KLHL32: variants seen among roughly 807,000 people sequenced by gnomAD.
KLHL32 encodes kelch like family member 32, also known as kelch-like protein 32.
In KLHL32, 35 loss-of-function variants were observed where a neutral mutation model predicts 64.8. That is an observed-to-expected ratio of 0.54 (90% CI 0.41 to 0.72). The LOEUF is 0.72. Ranked by LOEUF, KLHL32 falls within the 30% of genes least tolerant of loss-of-function variation. The pLI, the probability that KLHL32 is intolerant of heterozygous loss-of-function variation, is 0.00. For synonymous variants in KLHL32, 259 were observed against 281.0 expected, an observed-to-expected ratio of 0.92 and a Z score of 0.78; for missense variants, 589 against 768.5, an observed-to-expected ratio of 0.77 and a Z score of 2.76.
At chr6:96,973,755 C>G (rs1775388160) in intron 2 of KLHL32, among the ~76,000 whole-genome samples, 1 of 49,650 alleles carries the variant, frequency 2.0e-5, no homozygotes. Context: ...CAGAGTCTCG[C>G]TCTGTTGCCC....
At position 97,140,531 on chromosome 6, in the gene KLHL32, TAATA is replaced by T. The variant is rs1287225403; in HGVS notation, c.*1251_*1254del. 4 of 152,078 alleles carry T rather than the reference TAATA, an allele frequency of 2.6e-5. No individual in the cohort carries two copies. In the East Asian group the frequency reaches 7.7e-4, roughly 29 times the overall value. The allele number at this position is 152,078 out of a possible 1,614,324, so 9.4% of individuals were successfully genotyped here. The stretch of plus-strand genomic sequence containing the variant: ...ATAACAAAAAATAAATACAACAACT[TAATA>T]ATCACATTTGAAAACAAATTTAACA... On this transcript the variant is annotated 3_prime_UTR_variant, in exon 11 of 11. Coordinates refer to ENST00000369261, the MANE Select transcript of KLHL32 (RefSeq NM_052904.4).
At chr6:97,088,980 C>T (rs1437480623) in intron 6 of KLHL32, among the ~76,000 whole-genome samples, 2 of 152,150 alleles carry the variant, frequency 1.3e-5, no homozygotes, top group Non-Finnish European at 2.9e-5. Flanking sequence ...GTAGAAAAAG[C>T]CTATATAGAA....
At chr6:96,921,425 G>C (rs934148653), upstream of KLHL32, among the ~76,000 whole-genome samples, 4 of 152,230 alleles carry the variant, frequency 2.6e-5, no homozygotes, top group Middle Eastern at 3.2e-3. Flanking sequence ...GCTACAAAAT[G>C]TACCCATAGG....
chr6:97,085,880 G>A (rs944303262), intron 6 of KLHL32, among the ~76,000 whole-genome samples: 2 of 152,132 alleles, frequency 1.3e-5, no homozygotes, highest in Non-Finnish European at 2.9e-5. Context: ...CCTAAGCCCT[G>A]CCTTTTCGCC....
At chr6:97,023,761 T>A (rs1284264474) in intron 3 of KLHL32, among the ~76,000 whole-genome samples, 1 of 152,182 alleles carries the variant, frequency 6.6e-6, no homozygotes, top group Non-Finnish European at 1.5e-5. Flanking sequence ...ACTAGAGAAC[T>A]AGGGGCCAGG....
upstream of KLHL32, among the ~76,000 whole-genome samples, chr6:96,919,654 T>C (rs952708629): frequency 6.6e-6 from 1 of 152,206 alleles, no homozygotes; most frequent in Admixed American, 6.5e-5. Flanking sequence ...ATAGCCACTT[T>C]TATAAATTGA....
At chr6:96,954,485 A>AT (rs1773032268) in intron 1 of KLHL32, among the ~76,000 whole-genome samples, 1 of 151,986 alleles carries the variant, frequency 6.6e-6, no homozygotes, top group East Asian at 1.9e-4. Flanking sequence ...TGAGCCATTT[A>AT]TTTGGGAAAC....
intron 1 of KLHL32, among the ~76,000 whole-genome samples, chr6:96,950,086 TTAAAA>T (rs1772389628): frequency 6.6e-6 from 1 of 152,140 alleles, no homozygotes; most frequent in African/African-American, 2.4e-5. Flanking sequence ...AATTTAAAAA[TTAAAA>T]TGAAATTTTG....
intron 1 of KLHL32, among the ~76,000 whole-genome samples, chr6:96,949,510 G>A (rs1356690876): frequency 6.6e-6 from 1 of 152,038 alleles, no homozygotes. Flanking sequence ...GTGTAATGTT[G>A]ACTGAGTTAG....
the KLHL32 span, among the ~76,000 whole-genome samples, chr6:96,919,142 GGCTTTACAAAAAGCTT>G: frequency 3.3e-5 from 5 of 152,110 alleles, no homozygotes; most frequent in Admixed American, 2.6e-4. Context: ...TTGGGTTCCT[GGCTTTACAAAAAGCTT>G]GCATATTCAG....
intron 1 of KLHL32, among the ~76,000 whole-genome samples, chr6:96,964,997 C>A (rs1010600311): frequency 6.6e-6 from 1 of 152,188 alleles, no homozygotes; most frequent in African/African-American, 2.4e-5. Context: ...GCCCATGCCC[C>A]CAGTCCCCTT....
rs182982853 is a variant in KLHL32 at position 97,028,607 on chromosome 6, G to A, written c.205-12885G>A. On this transcript the variant is annotated intron_variant, in intron 3 of 10. Coordinates refer to ENST00000369261, the MANE Select transcript of KLHL32 (RefSeq NM_052904.4). ...ATCACAACTGCTCAGTCATTCCTTCGTGCAAGCCCCAAATTCTGTCTTAGG... is the reference window on the plus strand; with the variant it reads ...ATCACAACTGCTCAGTCATTCCTTCATGCAAGCCCCAAATTCTGTCTTAGG... 9.9e-5 allele frequency among the ~76,000 whole-genome samples: 15 copies of A among 152,028 alleles called. No homozygotes were observed. In the East Asian group the frequency reaches 2.1e-3, roughly 22 times the overall value.
chr6:96,976,161 G>T lies in KLHL32; in HGVS notation c.188G>T (p.Cys63Phe). The T allele has an allele frequency of 3.8e-6, 6 of 1,568,458 alleles. No individual in the cohort carries two copies. The highest frequency in any genetic ancestry group is 5.2e-6 in the Non-Finnish European group (6 of 1,151,598). Residue 63 changes from cysteine (C) to phenylalanine (F), a missense_variant, in exon 3 of 11, where the codon TGC becomes TTC. By Grantham distance (205) the Cys-to-Phe change is radical. Around this residue, in one of 3 missense-constraint regions of KLHL32, gnomAD observed 191 missense variants for 223.3 expected, o/e 0.86. Transcript: ENST00000369261. ...FHAHKAVLAACSDYFRAMFSL... is the reference protein window; with the variant it reads ...FHAHKAVLAAFSDYFRAMFSL... ...GCTCACAAGGCAGTCCTAGCAGCATGCAGTGACTATTTCCGGGTAAGTCAG... is the reference window on the plus strand; with the variant it reads ...GCTCACAAGGCAGTCCTAGCAGCATTCAGTGACTATTTCCGGGTAAGTCAG...
chr6:96,989,370 TGG>T (rs1314953201), intron 3 of KLHL32, among the ~76,000 whole-genome samples: 29 of 152,360 alleles, frequency 1.9e-4, no homozygotes, highest in African/African-American at 6.7e-4. Flanking sequence ...TGAGTTTGGC[TGG>T]ATATGAATTT....
chr6:97,055,224 T>C (rs896602953), intron 4 of KLHL32, among the ~76,000 whole-genome samples: 1 of 152,126 alleles, frequency 6.6e-6, no homozygotes, highest in Non-Finnish European at 1.5e-5. Flanking sequence ...AGTACACATA[T>C]CATAAGGAAA....
At chr6:97,097,794 T>TAAAC (rs1795192758) in intron 6 of KLHL32, among the ~76,000 whole-genome samples, 1 of 152,096 alleles carries the variant, frequency 6.6e-6, no homozygotes, top group African/African-American at 2.4e-5. Context: ...TGGGAAAGTA[T>TAAAC]AAACGACAGG....
intron 3 of KLHL32, among the ~76,000 whole-genome samples, chr6:97,010,910 C>A (rs1381963742): frequency 6.6e-6 from 1 of 152,132 alleles, no homozygotes; most frequent in East Asian, 1.9e-4. Flanking sequence ...GTTTACTATT[C>A]TTTACTGGAG....
chr6:96,981,315 C>T (rs535332175), intron 3 of KLHL32, among the ~76,000 whole-genome samples: 1 of 152,174 alleles, frequency 6.6e-6, no homozygotes, highest in Admixed American at 6.5e-5. Flanking sequence ...TGAATTTATC[C>T]ATTTCTACTA....
At chr6:97,029,741 A>G (rs1024570893) in intron 3 of KLHL32, among the ~76,000 whole-genome samples, 7 of 152,206 alleles carry the variant, frequency 4.6e-5, no homozygotes, top group Admixed American at 6.5e-5. Context: ...AGTTAATTGA[A>G]TGGTCTCATT....
Sources: allele counts gnomAD v4.1 joint callset (sites outside exome capture counted in the v4.1 genomes callset), GRCh38; gene constraint gnomAD v4.1.1; regional missense constraint gnomAD v4.1.1; transcripts MANE v1.5; gene names NCBI Gene and HGNC (gene_info 2026-07-23, HGNC 2026-07-21).